Variants in RNLS observed in about 807,000 individuals in gnomAD.
The protein encoded by RNLS is renalase.
A neutral mutation model predicts 39.8 loss-of-function variants in RNLS; 39 were observed. The observed-to-expected ratio is 0.98, with a 90% CI of 0.76 to 1.28. The LOEUF (loss-of-function observed/expected upper bound fraction) is 1.28. Among genes scored for constraint, RNLS ranks in the 50% most tolerant of loss-of-function variants. RNLS has a pLI of 0.00. For missense variants in RNLS, 410 were observed against 413.3 expected, an observed-to-expected ratio of 0.99 and a Z score of 0.07; for synonymous variants, 147 against 150.7, an observed-to-expected ratio of 0.98 and a Z score of 0.18.
chr10:88,289,489 C>G (rs556816851), intron 6 of RNLS, among the ~76,000 whole-genome samples: 1 of 152,244 alleles, frequency 6.6e-6, no homozygotes, highest in South Asian at 2.1e-4. Context: ...ATCACCTGCT[C>G]TGAGGCATTG....
chr10:88,190,856 A>T, the RNLS span, among the ~76,000 whole-genome samples: 3 of 152,182 alleles, frequency 2.0e-5, no homozygotes, highest in African/African-American at 7.2e-5. Flanking sequence ...CATGTCTGCC[A>T]TATTTTGTGC....
At chr10:88,438,465 C>A (rs1564798930) in intron 4 of RNLS, among the ~76,000 whole-genome samples, 2 of 152,298 alleles carry the variant, frequency 1.3e-5, no homozygotes, top group African/African-American at 2.4e-5. Flanking sequence ...ACCTACAGAT[C>A]ATTTGTCATT....
chr10:88,378,616 G>C (rs553448402), intron 4 of RNLS, among the ~76,000 whole-genome samples: 1 of 152,242 alleles, frequency 6.6e-6, no homozygotes, highest in South Asian at 2.1e-4. Flanking sequence ...CAGAAGTAAG[G>C]AACGCTGCAC....
intron 4 of RNLS, among the ~76,000 whole-genome samples, chr10:88,564,049 T>C (rs1849349914): frequency 6.6e-6 from 1 of 152,204 alleles, no homozygotes; most frequent in Non-Finnish European, 1.5e-5. Context: ...ATTGGCATTG[T>C]AGATCTGTGA....
chr10:88,297,834 C>A (rs570067834), intron 6 of RNLS, among the ~76,000 whole-genome samples: 213 of 152,220 alleles, frequency 1.4e-3, no homozygotes, highest in Middle Eastern at 0.01. Context: ...GCTTTCATTT[C>A]TTTTGATTAT....
rs1853250315 is a variant in RNLS, at chr10:88,406,126, C to T, written c.527-43401G>A. Among the ~76,000 whole-genome samples, 6 of 152,070 alleles carry T rather than the reference C, an allele frequency of 3.9e-5. No homozygotes were observed. In the South Asian group the frequency reaches 1.2e-3, roughly 32 times the overall value. On this transcript the variant is annotated intron_variant, in intron 4 of 6. Coordinates refer to ENST00000331772, the MANE Select transcript of RNLS (RefSeq NM_001031709.3). ...CTGATAGGTTTTCCTGTAAAGGTTA[C>T]TTGGTGCTTCTGTCTCATAGCTCTT...
chr10:88,417,855 G>A (rs1854133814), intron 4 of RNLS, among the ~76,000 whole-genome samples: 1 of 152,160 alleles, frequency 6.6e-6, no homozygotes, highest in Non-Finnish European at 1.5e-5. Flanking sequence ...CACTATAGAA[G>A]CCTTCTCTTT....
At chr10:88,240,080 C>G in the RNLS span, among the ~76,000 whole-genome samples, 2 of 152,154 alleles carry the variant, frequency 1.3e-5, no homozygotes, top group Non-Finnish European at 2.9e-5. Context: ...ATGGAGACAT[C>G]TTTCCTTCTT....
chr10:88,212,414 T>C, the RNLS span, among the ~76,000 whole-genome samples: 2 of 152,234 alleles, frequency 1.3e-5, no homozygotes, highest in African/African-American at 4.8e-5. Context: ...GCTCTCCTTC[T>C]AAAAGTTCTT....
chr10:88,271,287 C>T (rs1447983700), downstream of RNLS, among the ~76,000 whole-genome samples: 1 of 152,188 alleles, frequency 6.6e-6, no homozygotes, highest in Non-Finnish European at 1.5e-5. Context: ...TTACCAGTGG[C>T]ACTTCCCAGA....
At chr10:88,331,547 CATT>C (rs1470648912) in intron 5 of RNLS, among the ~76,000 whole-genome samples, 2 of 152,256 alleles carry the variant, frequency 1.3e-5, no homozygotes, top group Admixed American at 6.5e-5. Flanking sequence ...ATAACAGAAT[CATT>C]ATCCACTAAA....
At chr10:88,505,159 T>C (rs1845719972) in intron 4 of RNLS, among the ~76,000 whole-genome samples, 1 of 151,630 alleles carries the variant, frequency 6.6e-6, no homozygotes, top group African/African-American at 2.4e-5. Context: ...ATTCCAGATC[T>C]AGGGCAGAAA....
At chr10:88,408,112 C>T (rs962305760) in intron 4 of RNLS, among the ~76,000 whole-genome samples, 3 of 152,088 alleles carry the variant, frequency 2.0e-5, no homozygotes, top group Middle Eastern at 3.2e-3. Flanking sequence ...TATAGTTCTG[C>T]ACCTCAACTA....
At chr10:88,376,450 C>T (rs539160215) in intron 4 of RNLS, among the ~76,000 whole-genome samples, 1 of 152,202 alleles carries the variant, frequency 6.6e-6, no homozygotes, top group Admixed American at 6.5e-5. Flanking sequence ...GTCAATGTCG[C>T]TTTGAGAAAT....
the RNLS span, among the ~76,000 whole-genome samples, chr10:88,263,534 T>C: frequency 6.6e-6 from 1 of 152,108 alleles, no homozygotes; most frequent in South Asian, 2.1e-4. Flanking sequence ...GTTTGCTTTG[T>C]TTTCATTTTT....
At chr10:88,426,714 C>T (rs1016260474) in intron 4 of RNLS, among the ~76,000 whole-genome samples, 1 of 151,924 alleles carries the variant, frequency 6.6e-6, no homozygotes, top group African/African-American at 2.4e-5. Flanking sequence ...TCCATACATA[C>T]CTTCTTAGAG....
chr10:88,227,086 A>G, the RNLS span, among the ~76,000 whole-genome samples: 3 of 152,208 alleles, frequency 2.0e-5, no homozygotes, highest in Admixed American at 2.0e-4. Context: ...GGACTACAAC[A>G]GCAGAGTTGA....
chr10:88,529,817 A>G (rs1847312177), intron 4 of RNLS, among the ~76,000 whole-genome samples: 1 of 152,212 alleles, frequency 6.6e-6, no homozygotes. Context: ...TTGTTCATAC[A>G]ATATATTGAG....
the RNLS span, among the ~76,000 whole-genome samples, chr10:88,247,875 A>G: frequency 6.6e-6 from 1 of 152,230 alleles, no homozygotes; most frequent in African/African-American, 2.4e-5. Flanking sequence ...TGCCATTGCT[A>G]GCTTTGGACA....
Sources: gnomAD v4.1 joint callset for allele counts (sites outside exome capture counted in the v4.1 genomes callset) on GRCh38, gnomAD v4.1.1 for gene constraint, MANE v1.5 for transcripts, NCBI Gene and HGNC (gene_info 2026-07-23, HGNC 2026-07-21) for gene names.